MAST4: variants seen among roughly 807,000 people sequenced by gnomAD.
The protein encoded by MAST4 is microtubule-associated serine/threonine-protein kinase 4.
Under a neutral mutation model 162.7 loss-of-function variants are expected in MAST4, and 89 were observed. The observed-to-expected ratio is 0.55, with a 90% CI of 0.46 to 0.65. The LOEUF is 0.65. Ranked by LOEUF, MAST4 falls within the 30% of genes least tolerant of loss-of-function variation. The probability of loss-of-function intolerance (pLI) is 0.00; values close to 1 mark genes in which losing one functional copy is unlikely to be tolerated. For synonymous variants in MAST4, 1,479 were observed against 1,361.1 expected, an observed-to-expected ratio of 1.09 and a Z score of -1.91; for missense variants, 3,153 against 3,374.0, an observed-to-expected ratio of 0.93 and a Z score of 1.62.
chr5:66,900,654 C>A (rs1328375566), intron 4 of MAST4, among the ~76,000 whole-genome samples: 1 of 151,968 alleles, frequency 6.6e-6, no homozygotes, highest in Non-Finnish European at 1.5e-5. Context: ...AAGGGCTGGT[C>A]TGGAAACATT....
intron 2 of MAST4, 51 bp downstream of exon 2, chr5:66,759,913 T>C (rs1213177327): frequency 1.3e-6 from 2 of 1,596,984 alleles, no homozygotes; most frequent in Non-Finnish European, 1.7e-6. Context: ...CTTTACAAGG[T>C]CCTGCATGGC....
chr5:66,617,340 C>T (rs999599062), intron 1 of MAST4, among the ~76,000 whole-genome samples: 3 of 152,092 alleles, frequency 2.0e-5, no homozygotes, highest in African/African-American at 4.8e-5. Flanking sequence ...CTCAATCTTG[C>T]CAGTAAGGTG....
At chr5:67,144,890 T>A in intron 22 of MAST4, 94 bp downstream of exon 22, 2 of 1,412,468 alleles carry the variant, frequency 1.4e-6, no homozygotes, top group Non-Finnish European at 1.9e-6. Flanking sequence ...GGGGGCTTGT[T>A]AAAACACAGA....
intron 3 of MAST4, among the ~76,000 whole-genome samples, chr5:66,837,890 ATATATTTTTTTTTT>A (rs1291086437): frequency 0.039 from 1,079 of 27,962 alleles, 6 homozygotes; most frequent in Middle Eastern, 0.11. Context: ...ATATATATAT[ATATATTTTTTTTTT>A]TTTTTTTTTT....
At chr5:66,683,104 A>C (rs1748433359) in intron 1 of MAST4, among the ~76,000 whole-genome samples, 1 of 152,214 alleles carries the variant, frequency 6.6e-6, no homozygotes, top group Non-Finnish European at 1.5e-5. Flanking sequence ...TTGGGTGTGC[A>C]GTCCCTTCTG....
rs367682470 is a variant in MAST4, at chr5:67,146,816, T to G, written c.3094+1437T>G. Among the ~76,000 whole-genome samples, 20 of 152,326 alleles carry G rather than the reference T, an allele frequency of 1.3e-4. No homozygotes were observed. In the South Asian group the frequency reaches 3.5e-3, roughly 27 times the overall value. On this transcript the variant is annotated intron_variant, in intron 23 of 28. Transcript: ENST00000403625. ...AGAGAACAGCAATGAGGAAGTAGTG[T>G]AAAGGCAACCTATTAGACTAAGATG...
intron 3 of MAST4, among the ~76,000 whole-genome samples, chr5:66,807,353 G>A (rs1005502599): frequency 8.5e-5 from 13 of 152,158 alleles, no homozygotes; most frequent in African/African-American, 2.2e-4. Flanking sequence ...AAAATTAGCC[G>A]GGCGCGGTGG....
intron 3 of MAST4, among the ~76,000 whole-genome samples, chr5:66,827,215 C>T (rs936862019): frequency 6.6e-6 from 1 of 152,194 alleles, no homozygotes; most frequent in African/African-American, 2.4e-5. Flanking sequence ...CGTTGATACA[C>T]TTTGACTTGA....
At chr5:66,967,204 C>A (rs1403668559) in intron 4 of MAST4, among the ~76,000 whole-genome samples, 2 of 152,132 alleles carry the variant, frequency 1.3e-5, no homozygotes, top group Non-Finnish European at 2.9e-5. Context: ...ATCACAGTGT[C>A]TGTGCCCTTT....
At chr5:66,917,166 TTACTTTAAATTGCA>T (rs1313704639) in intron 4 of MAST4, 2 of 542,950 alleles carry the variant, frequency 3.7e-6, no homozygotes, top group Non-Finnish European at 6.7e-6. Flanking sequence ...CCCCTGGTCA[TTACTTTAAATTGCA>T]TTTCCTTCAC....
chr5:66,836,584 A>G (rs1757983143), intron 3 of MAST4, among the ~76,000 whole-genome samples: 1 of 152,200 alleles, frequency 6.6e-6, no homozygotes, highest in Non-Finnish European at 1.5e-5. Context: ...AAAATGTGGT[A>G]CATATACAAT....
At chr5:66,941,909 C>A (rs1485391050) in intron 4 of MAST4, among the ~76,000 whole-genome samples, 1 of 152,058 alleles carries the variant, frequency 6.6e-6, no homozygotes, top group African/African-American at 2.4e-5. Flanking sequence ...GGGGGAACGG[C>A]TGGTCGATCA....
chr5:66,789,988 A>ATTTTTTTTTTTTTTT lies in MAST4; in HGVS notation c.642+1210_642+1224dup, dbSNP rs57743987. Among the ~76,000 whole-genome samples the ATTTTTTTTTTTTTTT allele has an allele frequency of 4.4e-4, 23 of 52,470 alleles. 1 individual carries two copies. Among genetic ancestry groups the ATTTTTTTTTTTTTTT allele is most frequent in the African/African-American group, 1.5e-3 (13 of 8,746 alleles). The allele number at this position is 52,470 out of a possible 152,430, so 34.4% of individuals were successfully genotyped here. On this transcript the variant is annotated intron_variant, in intron 3 of 28. Coordinates refer to ENST00000403625, the MANE Select transcript of MAST4 (RefSeq NM_001164664.2). The stretch of plus-strand genomic sequence containing the variant: ...CTTTATGTTTAACATGCTTATTAGA[A>ATTTTTTTTTTTTTTT]TTTTTTTTTTTTTTTTTTTTTTTTT...
chr5:66,596,645 C>T lies in MAST4; in HGVS notation c.-11C>T. On this transcript the variant is annotated 5_prime_UTR_variant, in exon 1 of 29. Transcript: ENST00000403625. ...CCGCCGCTCGGGAGGCACTTTGGGC[C>T]AGACAGGGAAATGGGGGAGAAAGTT... 6.9e-7 allele frequency: 1 copy of T among 1,442,028 alleles called. No individual in the cohort carries two copies. Among genetic ancestry groups the T allele is most frequent in the Non-Finnish European group, 9.1e-7 (1 of 1,101,448 alleles). The allele number at this position is 1,442,028 out of a possible 1,614,324, so 89.3% of individuals were successfully genotyped here.
At chr5:66,681,314 G>T (rs10075451) in intron 1 of MAST4, among the ~76,000 whole-genome samples, 1 of 152,202 alleles carries the variant, frequency 6.6e-6, no homozygotes, top group African/African-American at 2.4e-5. Context: ...GTCACAAAGT[G>T]AATCCAGATC....
At chr5:66,733,058 C>A (rs982239070) in intron 1 of MAST4, among the ~76,000 whole-genome samples, 16 of 152,314 alleles carry the variant, frequency 1.1e-4, no homozygotes, top group Non-Finnish European at 1.6e-4. Context: ...CCATGGCTGG[C>A]CTTCCAACTC....
At chr5:66,870,702 C>A in intron 3 of MAST4, 1 of 456,764 alleles carries the variant, frequency 2.2e-6, no homozygotes. Flanking sequence ...CTTTTCTGAC[C>A]ATTTCTCCAT....
At position 66,788,698 on chromosome 5, in the gene MAST4, G is replaced by A. The variant is rs948179985; in HGVS notation, c.546G>A (p.Ala182=). The A allele has an allele frequency of 3.7e-6, 6 of 1,612,990 alleles. No homozygotes were observed. The highest frequency in any genetic ancestry group is 4.2e-6 in the Non-Finnish European group (5 of 1,179,452). The change falls in exon 3 of 29, where the codon GCG becomes GCA. Residue 182 remains alanine (A), a synonymous_variant. Coordinates refer to ENST00000403625, the MANE Select transcript of MAST4 (RefSeq NM_001164664.2). The stretch of plus-strand genomic sequence containing the variant: ...GGTACCTTCTTCCAAACCCGGTGGC[G>A]GGACAGGCCTGGCCGGCCTCTGCAG... ...TGRYLLPNPV[A]GQAWPASAET...
intron 3 of MAST4, among the ~76,000 whole-genome samples, chr5:66,862,546 A>G (rs30760): frequency 0.29 from 44,590 of 152,044 alleles, 6,708 homozygotes; most frequent in East Asian, 0.43. Context: ...ACAAACGATC[A>G]TTGACCGATG....
Sources: allele counts gnomAD v4.1 joint callset (sites outside exome capture counted in the v4.1 genomes callset), GRCh38; gene constraint gnomAD v4.1.1; transcripts MANE v1.5; gene names NCBI Gene and HGNC (gene_info 2026-07-23, HGNC 2026-07-21).